The following NBAS variants were observed in gnomAD, a reference collection of about 807,000 sequenced individuals.
The protein encoded by NBAS is NBAS subunit of NRZ tethering complex.
Under a neutral mutation model 302.5 loss-of-function variants are expected in NBAS, and 219 were observed. The observed-to-expected ratio is 0.72, with a 90% CI of 0.65 to 0.81. The LOEUF (loss-of-function observed/expected upper bound fraction) is 0.81, where lower values mean the gene tolerates loss of function less well. Among genes scored for constraint, NBAS ranks in the 30% least tolerant of loss-of-function variants. The probability of loss-of-function intolerance (pLI) is 0.00; values close to 1 mark genes in which losing one functional copy is unlikely to be tolerated. For missense variants in NBAS, 2,932 were observed against 2,841.6 expected (o/e 1.03, Z -0.72); for synonymous variants, 1,118 against 1,021.6 (o/e 1.09, Z -1.80).
intron 6 of NBAS, among the ~76,000 whole-genome samples, chr2:15,543,038 G>A (rs1320291169): frequency 1.6e-4 from 25 of 152,136 alleles, no homozygotes; most frequent in Admixed American, 1.6e-3. Context: ...GTGTGGCTTG[G>A]GAAAGGAATG....
intron 50 of NBAS, among the ~76,000 whole-genome samples, chr2:15,182,495 T>C (rs1338487911): frequency 6.6e-6 from 1 of 152,224 alleles, no homozygotes. Flanking sequence ...TTTTAGAAGC[T>C]GGGAATTATT....
At chr2:15,356,219 T>G (rs1572710074) in intron 33 of NBAS, 84 bp downstream of exon 33, 1 of 1,156,862 alleles carries the variant, frequency 8.6e-7, no homozygotes, top group Non-Finnish European at 1.3e-6. Context: ...ACCAATCAGG[T>G]CAATTGATTT....
chr2:15,102,095 A>G, the NBAS span, among the ~76,000 whole-genome samples: 4,503 of 152,290 alleles, frequency 0.03, 102 homozygotes, highest in Admixed American at 0.047. Flanking sequence ...AGTAGCACAT[A>G]TATGTCCCAA....
the NBAS span, among the ~76,000 whole-genome samples, chr2:14,967,787 A>T: frequency 3.9e-5 from 6 of 152,340 alleles, no homozygotes; most frequent in African/African-American, 1.4e-4. Context: ...GGAAAAAAAT[A>T]TATTTGCAAG....
At chr2:15,002,627 G>A in the NBAS span, among the ~76,000 whole-genome samples, 7 of 152,220 alleles carry the variant, frequency 4.6e-5, no homozygotes, top group African/African-American at 9.6e-5. Flanking sequence ...AGGATCCCAC[G>A]GAGGTGGTGG....
the NBAS span, among the ~76,000 whole-genome samples, chr2:15,017,467 C>A: frequency 6.6e-6 from 1 of 151,094 alleles, no homozygotes; most frequent in African/African-American, 2.4e-5. Flanking sequence ...ATCTCAACAA[C>A]AACAAAAAAT....
intron 47 of NBAS, among the ~76,000 whole-genome samples, chr2:15,220,758 A>G (rs1666914897): frequency 6.6e-6 from 1 of 152,228 alleles, no homozygotes; most frequent in African/African-American, 2.4e-5. Flanking sequence ...GTTTTGCTGT[A>G]GCCAGATCCT....
At chr2:15,359,759 A>G (rs2148322071) in intron 32 of NBAS, among the ~76,000 whole-genome samples, 1 of 152,268 alleles carries the variant, frequency 6.6e-6, no homozygotes, top group Non-Finnish European at 1.5e-5. Context: ...CTTTTGACGG[A>G]CAGGGGTTGG....
chr2:15,275,915 C>G (rs990162884), intron 43 of NBAS, 97 bp from the exon 44 acceptor site: 2 of 1,044,538 alleles, frequency 1.9e-6, no homozygotes, highest in South Asian at 2.7e-5. Flanking sequence ...TATGTCTGAA[C>G]GCAAAGATCT....
chr2:15,551,358 G>GAAT, intron 6 of NBAS, 135 bp downstream of exon 6: 2 of 515,856 alleles, frequency 3.9e-6, no homozygotes, highest in Non-Finnish European at 6.6e-6. Context: ...AAAAAAAGCA[G>GAAT]TTTTTAAAAA....
intron 46 of NBAS, among the ~76,000 whole-genome samples, chr2:15,233,053 T>C (rs1667447873): frequency 6.6e-6 from 1 of 152,196 alleles, no homozygotes; most frequent in African/African-American, 2.4e-5. Flanking sequence ...AAAAAAATAT[T>C]TTCGATGAGT....
the NBAS span, among the ~76,000 whole-genome samples, chr2:15,157,678 G>A: frequency 3.3e-5 from 5 of 152,146 alleles, no homozygotes; most frequent in African/African-American, 9.7e-5. Flanking sequence ...GAGAGAAGAG[G>A]TGGTCTTGAA....
chr2:14,967,980 T>C, the NBAS span, among the ~76,000 whole-genome samples: 1 of 152,188 alleles, frequency 6.6e-6, no homozygotes, highest in Non-Finnish European at 1.5e-5. Context: ...AGCCTTGGCA[T>C]GTGTGTGAGA....
At chr2:15,293,341 A>G (rs987612099) in intron 40 of NBAS, among the ~76,000 whole-genome samples, 7 of 152,200 alleles carry the variant, frequency 4.6e-5, no homozygotes, top group African/African-American at 1.7e-4. Context: ...AAAGGCATCC[A>G]ACCAATTTTT....
At chr2:14,867,896 T>C in the NBAS span, among the ~76,000 whole-genome samples, 3 of 152,226 alleles carry the variant, frequency 2.0e-5, no homozygotes. Flanking sequence ...AAATGTTTTC[T>C]TTCCTAGTGA....
intron 9 of NBAS, among the ~76,000 whole-genome samples, chr2:15,514,941 T>C (rs1405294612): frequency 2.0e-5 from 3 of 152,180 alleles, no homozygotes; most frequent in Non-Finnish European, 4.4e-5. Context: ...CCTCCGTTCA[T>C]GCCAGACTGA....
intron 38 of NBAS, among the ~76,000 whole-genome samples, chr2:15,316,380 G>T (rs898610214): frequency 6.6e-6 from 1 of 152,198 alleles, no homozygotes; most frequent in Admixed American, 6.5e-5. Context: ...TTGGACAGTG[G>T]GTGCAGCCCA....
intron 44 of NBAS, among the ~76,000 whole-genome samples, chr2:15,242,105 T>C (rs1290816483): frequency 1.3e-5 from 2 of 152,224 alleles, no homozygotes; most frequent in Non-Finnish European, 2.9e-5. Context: ...ATAACCCACC[T>C]ACTTTGTATG....
At chr2:15,379,966 A>G (rs773274854) in intron 29 of NBAS, 135 bp from the exon 30 acceptor site, 1 of 706,558 alleles carries the variant, frequency 1.4e-6, no homozygotes, top group Non-Finnish European at 2.4e-6. Flanking sequence ...CAGCACTGTA[A>G]ATGTACTAAA....
Sources: allele counts gnomAD v4.1 joint callset (sites outside exome capture counted in the v4.1 genomes callset), GRCh38; gene constraint gnomAD v4.1.1; transcripts MANE v1.5; gene names NCBI Gene and HGNC (gene_info 2026-07-23, HGNC 2026-07-21).